The following RRBP1 variants were observed in gnomAD, a reference collection of about 807,000 sequenced individuals.
RRBP1 encodes ribosome-binding protein 1.
Under a neutral mutation model 165.2 loss-of-function variants are expected in RRBP1, and 94 were observed. The observed-to-expected ratio is 0.57, with a 90% CI of 0.48 to 0.68. The LOEUF (loss-of-function observed/expected upper bound fraction) is 0.68, where lower values mean the gene tolerates loss of function less well. Ranked by LOEUF, RRBP1 falls within the 30% of genes least tolerant of loss-of-function variation. The pLI is 0.00. For missense variants in RRBP1, 1,676 were observed against 1,763.0 expected (o/e 0.95, Z 0.88); for synonymous variants, 680 against 714.5 (o/e 0.95, Z 0.77).
At chr20:17,640,870 G>A (rs2122355803) in intron 5 of RRBP1, among the ~76,000 whole-genome samples, 1 of 152,346 alleles carries the variant, frequency 6.6e-6, no homozygotes, top group Middle Eastern at 3.4e-3. Flanking sequence ...TTGTGCTCGA[G>A]CAGACAAAGG....
At chr20:17,661,661 A>G (rs907209882) in intron 2 of RRBP1, among the ~76,000 whole-genome samples, 2 of 152,180 alleles carry the variant, frequency 1.3e-5, no homozygotes, top group African/African-American at 4.8e-5. Flanking sequence ...CAAAGAGAAC[A>G]CAAGGGTAAG....
Position 17,621,805 on chromosome 20 carries a change from G to A in RRBP1, c.3241-32C>T. 3 of 1,612,968 alleles carry A rather than the reference G, an allele frequency of 1.9e-6. No homozygotes were observed. The South Asian group carries it at 3.3e-5, about 18-fold the overall frequency. ...TGAAACACATTCGGTGAGACCCGGG[G>A]ACATTCCCTGAGAACTGTGAGGTCC... is the stretch of plus-strand genomic sequence containing the variant. On this transcript the variant is annotated intron_variant, in intron 14 of 24. Transcript: ENST00000377813.
At chr20:17,641,696 C>A in intron 5 of RRBP1, 101 bp downstream of exon 5, 4 of 1,422,090 alleles carry the variant, frequency 2.8e-6, no homozygotes, top group Non-Finnish European at 2.9e-6. Context: ...ACGTTCCAGG[C>A]AGGCCCCAGC....
chr20:17,620,705 C>A lies in RRBP1; in HGVS notation c.3507+10G>T. The A allele has an allele frequency of 1.9e-6, 3 of 1,599,886 alleles. No homozygotes were observed. Among genetic ancestry groups the A allele is most frequent in the Non-Finnish European group, 2.6e-6 (3 of 1,175,972 alleles). ...CCACGGCGCCGGGAGGCAGGCAGGG[C>A]TGCATATACCTTCTGGAGCTCCTCC... On this transcript the variant is annotated intron_variant, in intron 17 of 24. Transcript: ENST00000377813.
At chr20:17,669,987 G>A (rs1373513564) in intron 2 of RRBP1, among the ~76,000 whole-genome samples, 1 of 152,190 alleles carries the variant, frequency 6.6e-6, no homozygotes, top group Non-Finnish European at 1.5e-5. Context: ...AGGAATGACA[G>A]CAAGTATTCT....
At chr20:17,640,665 A>G (rs1177587986) in intron 5 of RRBP1, among the ~76,000 whole-genome samples, 1 of 152,036 alleles carries the variant, frequency 6.6e-6, no homozygotes, top group Non-Finnish European at 1.5e-5. Context: ...CTGAATGAGG[A>G]CCACAGGCTG....
At chr20:17,669,779 G>C (rs2036941973) in intron 2 of RRBP1, among the ~76,000 whole-genome samples, 1 of 152,096 alleles carries the variant, frequency 6.6e-6, no homozygotes, top group Admixed American at 6.6e-5. Context: ...AAACGTAACT[G>C]ATTCCAGCAG....
intron 21 of RRBP1, among the ~76,000 whole-genome samples, chr20:17,616,474 G>T (rs368134382): frequency 3.9e-5 from 6 of 152,286 alleles, no homozygotes; most frequent in African/African-American, 1.4e-4. Context: ...CCCTGTAGGT[G>T]CAGACCCCAA....
chr20:17,653,170 A>G (rs777837171), intron 3 of RRBP1, among the ~76,000 whole-genome samples: 2 of 152,080 alleles, frequency 1.3e-5, no homozygotes, highest in Non-Finnish European at 2.9e-5. Flanking sequence ...ATGCAGCTAC[A>G]TGCCCACCGT....
chr20:17,631,144 G>C (rs3790324), intron 8 of RRBP1, among the ~76,000 whole-genome samples: 10,415 of 152,338 alleles, frequency 0.068, 465 homozygotes, highest in Middle Eastern at 0.14. Context: ...AAAGAAAGGA[G>C]TGACTGCAAG....
chr20:17,627,662 A>G lies in RRBP1; in HGVS notation c.2770T>C (p.Ser924Pro). 1 of 1,608,016 alleles carries G rather than the reference A, an allele frequency of 6.2e-7. No individual in the cohort carries two copies. The highest frequency in any genetic ancestry group is 8.5e-7 in the Non-Finnish European group (1 of 1,176,868). ...TTGCTGCGCACCTCCGCCTCGGAGG[A>G]CTGTAACTTGCTGTGCAGCTCTGGT... ...QMAELHSKLQ[S>P]SEAEVRSKCE... The change falls in exon 10 of 25, where the codon TCC (serine) becomes CCC (proline). Residue 924 changes from serine (S) to proline (P), a missense_variant. Physicochemically the swap from Ser to Pro is moderately conservative, Grantham distance 74. Transcript: ENST00000377813.
intron 13 of RRBP1, among the ~76,000 whole-genome samples, chr20:17,623,926 C>T (rs576935649): frequency 4.0e-5 from 6 of 149,964 alleles, no homozygotes; most frequent in East Asian, 1.9e-4. Context: ...AGCAAGACAC[C>T]GTCTCAAAAA....
At chr20:17,645,041 C>A (rs939809864) in intron 3 of RRBP1, among the ~76,000 whole-genome samples, 6 of 152,194 alleles carry the variant, frequency 3.9e-5, no homozygotes, top group Non-Finnish European at 8.8e-5. Context: ...CCCCAAAGTG[C>A]CCCCTGCTGA....
At chr20:17,641,286 G>A (rs764470337) in intron 5 of RRBP1, among the ~76,000 whole-genome samples, 1 of 152,226 alleles carries the variant, frequency 6.6e-6, no homozygotes, top group African/African-American at 2.4e-5. Flanking sequence ...CACGCCATCC[G>A]CTGATACGGG....
chr20:17,651,062 T>G (rs931083424), intron 3 of RRBP1, among the ~76,000 whole-genome samples: 4 of 151,338 alleles, frequency 2.6e-5, no homozygotes, highest in African/African-American at 9.8e-5. Context: ...AAGCTTCCAT[T>G]CTGGGGAATT....
At chr20:17,670,537 G>C (rs6044943) in intron 2 of RRBP1, among the ~76,000 whole-genome samples, 1 of 150,596 alleles carries the variant, frequency 6.6e-6, no homozygotes, top group South Asian at 2.1e-4. Flanking sequence ...TTCCAACTTA[G>C]ATGTTACTGT....
intron 3 of RRBP1, among the ~76,000 whole-genome samples, chr20:17,654,914 T>C (rs1471615778): frequency 6.6e-6 from 1 of 152,208 alleles, no homozygotes; most frequent in East Asian, 1.9e-4. Context: ...TTTTAACATC[T>C]GGAATTAAGG....
chr20:17,657,048 C>T (rs775764731), intron 3 of RRBP1, among the ~76,000 whole-genome samples: 36 of 152,154 alleles, frequency 2.4e-4, no homozygotes, highest in Admixed American at 2.1e-3. Context: ...TAAAACCACA[C>T]GAAATAACAA....
intron 9 of RRBP1, among the ~76,000 whole-genome samples, chr20:17,628,707 C>T (rs537840576): frequency 5.3e-5 from 8 of 152,370 alleles, no homozygotes; most frequent in South Asian, 2.1e-4. Context: ...TTCCCACCTC[C>T]GGGCCCTGTG....
Sources: gnomAD v4.1 joint callset for allele counts (sites outside exome capture counted in the v4.1 genomes callset) on GRCh38, gnomAD v4.1.1 for gene constraint, MANE v1.5 for transcripts, NCBI Gene and HGNC (gene_info 2026-07-23, HGNC 2026-07-21) for gene names.